Variants in GOLGA4 observed in about 807,000 individuals in gnomAD.
GOLGA4 encodes the protein golgin A4.
GOLGA4 carries 169 observed loss-of-function variants against 265.9 expected under a neutral mutation model. The observed-to-expected ratio is 0.64, with a 90% CI of 0.56 to 0.72. GOLGA4 has a LOEUF of 0.72. GOLGA4 is among the 30% of genes least tolerant of loss of function. The pLI is 0.00. For synonymous variants in GOLGA4, 923 were observed against 855.8 expected, an observed-to-expected ratio of 1.08 and a Z score of -1.37; for missense variants, 2,482 against 2,483.4, an observed-to-expected ratio of 1.00 and a Z score of 0.01.
rs535260928 is a variant in GOLGA4, at chr3:37,255,978, C to T, written c.162+4494C>T. Among the ~76,000 whole-genome samples, 7 of 152,260 alleles carry T rather than the reference C, an allele frequency of 4.6e-5. No individual in the cohort carries two copies. In the South Asian group the frequency reaches 1.5e-3, roughly 32 times the overall value. ...ACTTAAAATAAATCCAAGCCAGTCA[C>T]AGTGGTGTGCACCTGTAGTCCCAGC... On this transcript the variant is annotated intron_variant, in intron 2 of 23. Transcript: ENST00000361924.
chr3:37,362,868 C>T (rs1322150464), intron 23 of GOLGA4, among the ~76,000 whole-genome samples: 4 of 145,780 alleles, frequency 2.7e-5, no homozygotes, highest in African/African-American at 7.6e-5. Context: ...CTGCAAGCCC[C>T]GCCTCCTGGG....
intron 19 of GOLGA4, among the ~76,000 whole-genome samples, chr3:37,339,053 G>A (rs6803794): frequency 0.039 from 5,857 of 151,858 alleles, 145 homozygotes; most frequent in African/African-American, 0.056. Context: ...TAGTAGAGAC[G>A]GGGTTTCACC....
chr3:37,274,170 A>G (rs937822821), intron 2 of GOLGA4, among the ~76,000 whole-genome samples: 1 of 151,860 alleles, frequency 6.6e-6, no homozygotes. Context: ...CTGTGATCTG[A>G]GTTTATAGTT....
At chr3:37,358,849 C>T (rs370034691) in intron 22 of GOLGA4, among the ~76,000 whole-genome samples, 1 of 152,096 alleles carries the variant, frequency 6.6e-6, no homozygotes, top group Non-Finnish European at 1.5e-5. Context: ...CAGCGACATG[C>T]GACATTGCTG....
At chr3:37,291,884 T>G (rs554626727) in intron 5 of GOLGA4, among the ~76,000 whole-genome samples, 2 of 146,968 alleles carry the variant, frequency 1.4e-5, no homozygotes, top group Non-Finnish European at 3.0e-5. Flanking sequence ...AATTTGTTGG[T>G]TTTTTTTTTT....
In GOLGA4 at chr3:37,280,962, G is replaced by T. The variant is rs974318706; in HGVS notation, c.163-996G>T. Among the ~76,000 whole-genome samples, 10 of 152,260 alleles carry T rather than the reference G, an allele frequency of 6.6e-5. No individual in the cohort carries two copies. The East Asian group carries it at 1.5e-3, about 24-fold the overall frequency. ...GATTTTTCAAACTCTAGACTGAAGA[G>T]AATCTTTTTATTTTCCTGTATTTTT... On this transcript the variant is annotated intron_variant, in intron 2 of 23. Coordinates refer to ENST00000361924, the MANE Select transcript of GOLGA4 (RefSeq NM_002078.5).
At chr3:37,287,898 T>A (rs2096854068) in intron 4 of GOLGA4, among the ~76,000 whole-genome samples, 5 of 152,134 alleles carry the variant, frequency 3.3e-5, no homozygotes, top group Admixed American at 3.3e-4. Flanking sequence ...TGCTTGTTAG[T>A]CCACACAAAC....
chr3:37,333,408 A>G (rs1452069595), intron 16 of GOLGA4, among the ~76,000 whole-genome samples: 2 of 152,188 alleles, frequency 1.3e-5, no homozygotes, highest in African/African-American at 2.4e-5. Context: ...AAATAAGACT[A>G]GAAGGCTTTT....
At chr3:37,291,407 G>A (rs935431139) in intron 5 of GOLGA4, among the ~76,000 whole-genome samples, 7 of 152,012 alleles carry the variant, frequency 4.6e-5, no homozygotes, top group African/African-American at 1.7e-4. Flanking sequence ...TGTGATTGCC[G>A]GCTGTTAGTA....
intron 2 of GOLGA4, among the ~76,000 whole-genome samples, chr3:37,270,080 G>T (rs1238700861): frequency 6.6e-6 from 1 of 151,422 alleles, no homozygotes; most frequent in African/African-American, 2.4e-5. Context: ...TTTTAGTAGA[G>T]ATGGGGTTTC....
chr3:37,337,375 T>G (rs568962676), intron 18 of GOLGA4, among the ~76,000 whole-genome samples: 1 of 151,914 alleles, frequency 6.6e-6, no homozygotes, highest in African/African-American at 2.4e-5. Flanking sequence ...ATTTTTTTTT[T>G]AATTTTTGTA....
chr3:37,296,974 A>ACT (rs10662170), intron 7 of GOLGA4, among the ~76,000 whole-genome samples: 4,008 of 152,354 alleles, frequency 0.026, 153 homozygotes, highest in African/African-American at 0.091. Flanking sequence ...TAATAGCAGT[A>ACT]GCTAGATTTC....
At chr3:37,271,544 A>G (rs772544744) in intron 2 of GOLGA4, among the ~76,000 whole-genome samples, 6 of 152,154 alleles carry the variant, frequency 3.9e-5, no homozygotes, top group African/African-American at 7.2e-5. Flanking sequence ...CTATTACCCA[A>G]TGCCAATAAT....
intron 13 of GOLGA4, 98 bp from the exon 14 acceptor site, chr3:37,323,489 AT>A: frequency 1.5e-6 from 1 of 682,720 alleles, no homozygotes; most frequent in Non-Finnish European, 2.5e-6. Context: ...TGGTATGATA[AT>A]TTTGATCTTC....
Position 37,325,147 on chromosome 3 carries a change from A to G in GOLGA4, c.3261A>G (p.Lys1087=). 6.2e-7 allele frequency: 1 copy of G among 1,613,714 alleles called. No homozygotes were observed. The highest frequency in any genetic ancestry group is 8.5e-7 in the Non-Finnish European group (1 of 1,179,802). The change falls in exon 14 of 24, where the codon AAA becomes AAG. Residue 1087 remains lysine (K), a synonymous_variant. Coordinates refer to ENST00000361924, the MANE Select transcript of GOLGA4 (RefSeq NM_002078.5). ...KQKILLFGCE[K]EEMNKEITWL... ...AGATCCTCCTATTTGGGTGTGAAAAAGAAGAGATGAACAAGGAAATAACAT... is the reference window on the plus strand; with the variant it reads ...AGATCCTCCTATTTGGGTGTGAAAAGGAAGAGATGAACAAGGAAATAACAT...
rs1426577945 is a variant in GOLGA4, at chr3:37,361,323, T to C, written c.*33+18T>C. 8 of 1,584,476 alleles carry C rather than the reference T, an allele frequency of 5.0e-6. No individual in the cohort carries two copies. The highest frequency in any genetic ancestry group is 3.3e-5 in the Admixed American group (2 of 59,772). On this transcript the variant is annotated intron_variant, in intron 23 of 23. Transcript: ENST00000361924. Reference sequence around the variant, plus strand: ...AACATGTGGTGAGTGAAGAACAATGTCTTGTGTCTTTTGTGCAAAAATCAA... The same window carrying C: ...AACATGTGGTGAGTGAAGAACAATGCCTTGTGTCTTTTGTGCAAAAATCAA...
At chr3:37,344,604 A>T (rs1201790020) in intron 20 of GOLGA4, among the ~76,000 whole-genome samples, 2 of 149,654 alleles carry the variant, frequency 1.3e-5, no homozygotes, top group African/African-American at 2.5e-5. Context: ...AAGTGCTGAG[A>T]TTTCAGGAGT....
intron 2 of GOLGA4, among the ~76,000 whole-genome samples, chr3:37,273,294 T>G (rs552535286): frequency 2.0e-5 from 3 of 152,312 alleles, no homozygotes; most frequent in Admixed American, 1.3e-4. Flanking sequence ...AAATAGGTTT[T>G]TCTACATACT....
intron 12 of GOLGA4, among the ~76,000 whole-genome samples, chr3:37,320,784 T>TG (rs1321380397): frequency 3.9e-5 from 6 of 152,204 alleles, no homozygotes; most frequent in Non-Finnish European, 7.4e-5. Context: ...TACACATGCG[T>TG]GGGTACCTGT....
Sources: allele counts gnomAD v4.1 joint callset (sites outside exome capture counted in the v4.1 genomes callset), GRCh38; gene constraint gnomAD v4.1.1; transcripts MANE v1.5; gene names NCBI Gene and HGNC (gene_info 2026-07-23, HGNC 2026-07-21).